The following ZC3H12B variants were observed in gnomAD, a reference collection of about 807,000 sequenced individuals.
The protein encoded by ZC3H12B is probable ribonuclease ZC3H12B.
A neutral mutation model predicts 43.9 loss-of-function variants in ZC3H12B; 7 were observed. That is an observed-to-expected ratio of 0.16 (90% CI 0.09 to 0.30). The LOEUF is 0.30. ZC3H12B is among the 10% of genes least tolerant of loss of function. The pLI is 1.00. For missense variants in ZC3H12B, 475 were observed against 670.2 expected, an observed-to-expected ratio of 0.71 and a Z score of 3.22; for synonymous variants, 222 against 241.7, an observed-to-expected ratio of 0.92 and a Z score of 0.76.
At chrX:65,484,779 G>A (rs146324489), upstream of ZC3H12B, among the ~76,000 whole-genome samples, 2 of 112,389 alleles carry the variant, frequency 1.8e-5, no homozygotes, top group African/African-American at 6.5e-5. Context: ...AGATATTTCT[G>A]CCTCTGTATA....
the ZC3H12B span, among the ~76,000 whole-genome samples, chrX:65,209,657 T>G: frequency 1.8e-5 from 2 of 110,174 alleles, no homozygotes; most frequent in African/African-American, 6.6e-5. Flanking sequence ...TATATTCTGT[T>G]GATTTGGGGT....
chrX:65,354,945 A>G, the ZC3H12B span, among the ~76,000 whole-genome samples: 1 of 112,139 alleles, frequency 8.9e-6, no homozygotes, highest in Non-Finnish European at 1.9e-5. Flanking sequence ...AAAGCCTCCA[A>G]GAAATATGGG....
upstream of ZC3H12B, among the ~76,000 whole-genome samples, chrX:65,364,362 C>T (rs982578981): frequency 1.0e-3 from 108 of 103,241 alleles, 1 homozygote; most frequent in Non-Finnish European, 2.3e-4. Context: ...GGTCCTCCAT[C>T]ATTAGTATCT....
At chrX:65,378,004 C>A (rs2066371593) in intron 2 of ZC3H12B, among the ~76,000 whole-genome samples, 1 of 110,328 alleles carries the variant, frequency 9.1e-6, no homozygotes, top group Non-Finnish European at 1.9e-5. Flanking sequence ...GAGACTGAGG[C>A]AGGAGAATGG....
At chrX:65,054,532 C>T in the ZC3H12B span, among the ~76,000 whole-genome samples, 2 of 111,601 alleles carry the variant, frequency 1.8e-5, no homozygotes, top group South Asian at 3.7e-4. Context: ...ATGCCTCCAG[C>T]TTTGTTCTTT....
intron 3 of ZC3H12B, 66 bp downstream of exon 5, chrX:65,398,770 T>A (rs1348069826): frequency 8.9e-6 from 1 of 111,798 alleles, no homozygotes; most frequent in Non-Finnish European, 1.9e-5. Context: ...TATAGCAGCA[T>A]GAAAATGTAC....
Position 65,494,783 on chromosome X carries a change from A to AAAATAAAT in ZC3H12B, c.609-2309_609-2302dup, listed in dbSNP as rs59246172. On this transcript the variant is annotated intron_variant, in intron 1 of 4. Transcript: ENST00000338957. ...ATAACAGAGCAAGACTCTGTCCCAAAAAATAAATAAATAAATAAATAAATA... is the reference window on the plus strand; with the variant it reads ...ATAACAGAGCAAGACTCTGTCCCAAAAAATAAATAAATAAATAAATAAATAAATAAATA... Among the ~76,000 whole-genome samples the AAAATAAAT allele has an allele frequency of 2.4e-3, 244 of 101,066 alleles. 1 individual carries two copies. Among genetic ancestry groups the AAAATAAAT allele is most frequent in the African/African-American group, 3.5e-3 (96 of 27,369 alleles). 87.8% of individuals were successfully genotyped at this position (101,066 alleles called of 115,157 possible). A position where few individuals can be genotyped will look rare whatever the true frequency, so the allele number is the denominator to read the frequency against.
intron 3 of ZC3H12B, among the ~76,000 whole-genome samples, chrX:65,442,035 CT>C (rs1462347477): frequency 1.0e-5 from 1 of 97,346 alleles, no homozygotes; most frequent in Non-Finnish European, 1.9e-5. Flanking sequence ...ATCTAGTGGC[CT>C]GACTCACTGA....
chrX:65,301,710 AG>A, the ZC3H12B span, among the ~76,000 whole-genome samples: 1 of 111,085 alleles, frequency 9.0e-6, no homozygotes, highest in East Asian at 2.8e-4. Flanking sequence ...TTGGGGTAAA[AG>A]GTGGGATGGG....
At chrX:65,191,778 G>A in the ZC3H12B span, among the ~76,000 whole-genome samples, 2 of 109,190 alleles carry the variant, frequency 1.8e-5, no homozygotes, top group Admixed American at 2.0e-4. Flanking sequence ...TTTTTTGAAG[G>A]GTTTTTTATG....
the ZC3H12B span, among the ~76,000 whole-genome samples, chrX:65,252,543 A>G: frequency 8.9e-6 from 1 of 111,847 alleles, no homozygotes; most frequent in Non-Finnish European, 1.9e-5. Flanking sequence ...CAGAAAACTT[A>G]AGGGAATTTC....
chrX:65,152,900 A>G, the ZC3H12B span, among the ~76,000 whole-genome samples: 1 of 111,822 alleles, frequency 8.9e-6, no homozygotes, highest in Non-Finnish European at 1.9e-5. Flanking sequence ...GATAAATGGA[A>G]CAGAACAGAG....
the ZC3H12B span, among the ~76,000 whole-genome samples, chrX:65,253,371 G>A: frequency 8.9e-6 from 1 of 112,239 alleles, no homozygotes; most frequent in Non-Finnish European, 1.9e-5. Flanking sequence ...TAGAATACTG[G>A]CAGCAGGAGA....
intron 2 of ZC3H12B, among the ~76,000 whole-genome samples, chrX:65,391,307 TAAA>T (rs1198292526): frequency 8.9e-6 from 1 of 112,432 alleles, no homozygotes; most frequent in Non-Finnish European, 1.9e-5. Flanking sequence ...TTTTCTGACA[TAAA>T]AAATTAAGTT....
At chrX:65,187,050 G>A in the ZC3H12B span, 4 of 111,660 alleles carry the variant, frequency 3.6e-5, no homozygotes, top group African/African-American at 1.3e-4. Context: ...AGATACCTAG[G>A]AGTGGGATTG....
the ZC3H12B span, among the ~76,000 whole-genome samples, chrX:65,231,157 C>A: frequency 9.0e-6 from 1 of 110,599 alleles, no homozygotes; most frequent in Non-Finnish European, 1.9e-5. Flanking sequence ...TGATGACAAC[C>A]CCGAGCCACA....
chrX:65,376,842 TA>T (rs1269063013), intron 2 of ZC3H12B, among the ~76,000 whole-genome samples: 1 of 110,548 alleles, frequency 9.0e-6, no homozygotes, highest in Non-Finnish European at 1.9e-5. Context: ...AATAAATATG[TA>T]ACTTTTCAAT....
the ZC3H12B span, among the ~76,000 whole-genome samples, chrX:65,216,331 G>A: frequency 2.7e-5 from 3 of 111,128 alleles, no homozygotes. Flanking sequence ...AGAGCGTAGT[G>A]AGTGTGGGAC....
the ZC3H12B span, chrX:65,271,765 A>G: frequency 7.0e-6 from 1 of 143,315 alleles, no homozygotes; most frequent in Non-Finnish European, 1.5e-5. Context: ...GCAGTGAGTT[A>G]GTGAAAGGGA....
Sources: allele counts gnomAD v4.1 joint callset (sites outside exome capture counted in the v4.1 genomes callset), GRCh38; gene constraint gnomAD v4.1.1; transcripts MANE v1.5; gene names NCBI Gene and HGNC (gene_info 2026-07-23, HGNC 2026-07-21).